The following PDE8B variants were observed in gnomAD, a reference collection of about 807,000 sequenced individuals.
The protein encoded by PDE8B is high affinity cAMP-specific and IBMX-insensitive 3',5'-cyclic phosphodiesterase 8B.
PDE8B carries 26 observed loss-of-function variants against 101.3 expected under a neutral mutation model. That is an observed-to-expected ratio of 0.26 (90% CI 0.19 to 0.36). The LOEUF (loss-of-function observed/expected upper bound fraction) is 0.36, where lower values mean the gene tolerates loss of function less well. PDE8B is among the 10% of genes least tolerant of loss of function. The probability of loss-of-function intolerance (pLI) is 1.00; values close to 1 mark genes in which losing one functional copy is unlikely to be tolerated. For synonymous variants in PDE8B, 424 were observed against 429.3 expected (o/e 0.99, Z 0.15); for missense variants, 810 against 1,163.1 (o/e 0.70, Z 4.42).
At chr5:77,340,133 G>A (rs1273655472) in intron 6 of PDE8B, among the ~76,000 whole-genome samples, 1 of 152,082 alleles carries the variant, frequency 6.6e-6, no homozygotes, top group Admixed American at 6.5e-5. Flanking sequence ...TGGGCTGATC[G>A]ATATATACTA....
chr5:77,209,684 G>C (rs1318600910), upstream of PDE8B, among the ~76,000 whole-genome samples: 1 of 152,158 alleles, frequency 6.6e-6, no homozygotes, highest in Non-Finnish European at 1.5e-5. Flanking sequence ...GAGAATGAGG[G>C]AAGGCCTTGT....
upstream of PDE8B, among the ~76,000 whole-genome samples, chr5:77,205,928 A>G (rs1747465163): frequency 1.3e-5 from 2 of 152,168 alleles, no homozygotes; most frequent in Admixed American, 6.5e-5. Context: ...ATTATTGTAG[A>G]CAACATTGCT....
At chr5:77,241,213 T>G (rs556145821) in intron 1 of PDE8B, among the ~76,000 whole-genome samples, 2 of 152,352 alleles carry the variant, frequency 1.3e-5, no homozygotes, top group East Asian at 3.9e-4. Flanking sequence ...ATTGCTTTTC[T>G]TCGGCAAGTA....
intron 1 of PDE8B, among the ~76,000 whole-genome samples, chr5:77,241,046 A>T (rs1580512020): frequency 2.0e-5 from 3 of 152,344 alleles, no homozygotes; most frequent in East Asian, 3.9e-4. Flanking sequence ...GACAGTTGCA[A>T]ACAGGAGTTG....
At chr5:77,210,662 T>C, upstream of PDE8B, 3 of 980,136 alleles carry the variant, frequency 3.1e-6, no homozygotes, top group Non-Finnish European at 3.6e-6. The surrounding 1 kb of genome is among the most constrained non-coding windows in gnomAD (Gnocchi z 4.9). Context: ...TGGCGGCCGC[T>C]GGTGCGCGCG....
chr5:77,231,285 C>T (rs1052865709), intron 1 of PDE8B, among the ~76,000 whole-genome samples: 3 of 152,166 alleles, frequency 2.0e-5, no homozygotes, highest in African/African-American at 7.2e-5. Flanking sequence ...CTACAAAGAC[C>T]CAGCTTAAAA....
chr5:77,421,373 G>A (rs764218356), intron 19 of PDE8B, among the ~76,000 whole-genome samples: 3 of 152,124 alleles, frequency 2.0e-5, no homozygotes, highest in Non-Finnish European at 2.9e-5. Flanking sequence ...AATAATTGAA[G>A]GGTTACATGT....
chr5:77,353,759 C>T (rs1039932942), intron 10 of PDE8B, among the ~76,000 whole-genome samples: 6 of 152,172 alleles, frequency 3.9e-5, no homozygotes, highest in African/African-American at 1.2e-4. Context: ...TGCACCCCTA[C>T]AAATTCATAT....
chr5:77,234,922 C>G (rs1268311245), intron 1 of PDE8B, among the ~76,000 whole-genome samples: 1 of 152,176 alleles, frequency 6.6e-6, no homozygotes, highest in Admixed American at 6.5e-5. Context: ...AGCATGCACG[C>G]AAAGTGCTCA....
intron 17 of PDE8B, among the ~76,000 whole-genome samples, chr5:77,417,232 G>A (rs567323495): frequency 2.4e-4 from 36 of 152,248 alleles, no homozygotes; most frequent in African/African-American, 7.9e-4. Flanking sequence ...CAAATAGAAC[G>A]CATTCCTGTC....
chr5:77,278,920 A>G (rs1055274578), intron 1 of PDE8B, among the ~76,000 whole-genome samples: 3 of 152,210 alleles, frequency 2.0e-5, no homozygotes, highest in South Asian at 2.1e-4. Flanking sequence ...GAAATATACA[A>G]TGGGGAAACT....
chr5:77,213,717 C>A (rs1238079584), intron 1 of PDE8B, among the ~76,000 whole-genome samples: 1 of 152,056 alleles, frequency 6.6e-6, no homozygotes. Context: ...TCCACCCCCT[C>A]CCCCTGGCCA....
intron 9 of PDE8B, among the ~76,000 whole-genome samples, chr5:77,352,571 G>A (rs900882169): frequency 6.6e-6 from 1 of 152,166 alleles, no homozygotes; most frequent in Non-Finnish European, 1.5e-5. Context: ...TCCTAGTTGG[G>A]TGAAGTTTAT....
intron 10 of PDE8B, among the ~76,000 whole-genome samples, chr5:77,357,556 G>C (rs1215157819): frequency 6.6e-6 from 1 of 152,218 alleles, no homozygotes; most frequent in Non-Finnish European, 1.5e-5. Context: ...GGATCTAGGA[G>C]CTTCTCTCCA....
upstream of PDE8B, among the ~76,000 whole-genome samples, chr5:77,210,138 A>G (rs1257280299): frequency 6.6e-6 from 1 of 152,032 alleles, no homozygotes; most frequent in Non-Finnish European, 1.5e-5. This position sits in a 1 kb window ranked among gnomAD's most constrained non-coding sequence, Gnocchi z 4.9. Flanking sequence ...TAGCTCTGGG[A>G]TGTGTGAAAA....
the PDE8B span, among the ~76,000 whole-genome samples, chr5:77,203,567 T>C: frequency 6.6e-6 from 1 of 152,212 alleles, no homozygotes; most frequent in Non-Finnish European, 1.5e-5. Flanking sequence ...TAAAGTTTTC[T>C]GGGAATCTTA....
At chr5:77,180,967 CGTGTGTGTGTGT>C in the PDE8B span, among the ~76,000 whole-genome samples, 80 of 147,622 alleles carry the variant, frequency 5.4e-4, no homozygotes, top group Middle Eastern at 3.5e-3. Flanking sequence ...GGTGTGTACA[CGTGTGTGTGTGT>C]GTGTGTGTGT....
rs565486162 is a variant in PDE8B at position 77,371,458 on chromosome 5, G to A, written c.1167+18052G>A. On this transcript the variant is annotated intron_variant, in intron 10 of 21. Transcript: ENST00000264917. Reference sequence around the variant, plus strand: ...GTTTCTGGACTCTGTTCTTTGCATTGATCTATTGGTCAATCTACATATTGC... The same window carrying A: ...GTTTCTGGACTCTGTTCTTTGCATTAATCTATTGGTCAATCTACATATTGC... Among the ~76,000 whole-genome samples the A allele has an allele frequency of 1.3e-4, 20 of 152,254 alleles. 1 individual carries two copies. The South Asian group carries it at 4.1e-3, about 32-fold the overall frequency.
chr5:77,093,423 G>A, the PDE8B span, among the ~76,000 whole-genome samples: 2 of 152,032 alleles, frequency 1.3e-5, no homozygotes, highest in African/African-American at 2.4e-5. Flanking sequence ...CTATAAGGTT[G>A]ATGGTAATGT....
Sources: allele counts gnomAD v4.1 joint callset (sites outside exome capture counted in the v4.1 genomes callset), GRCh38; gene constraint gnomAD v4.1.1; non-coding constraint Gnocchi (gnomAD v3.1); transcripts MANE v1.5; gene names NCBI Gene and HGNC (gene_info 2026-07-23, HGNC 2026-07-21).